Variants in CMPK1 observed in about 807,000 individuals in gnomAD.
The protein encoded by CMPK1 is UMP-CMP kinase.
In CMPK1, 10 loss-of-function variants were observed where a neutral mutation model predicts 25.7. The observed-to-expected ratio is 0.39, with a 90% CI of 0.24 to 0.66. The LOEUF (loss-of-function observed/expected upper bound fraction) is 0.66, where lower values mean the gene tolerates loss of function less well. Among genes scored for constraint, CMPK1 ranks in the 30% least tolerant of loss-of-function variants. The pLI, the probability that CMPK1 is intolerant of heterozygous loss-of-function variation, is 0.48. For synonymous variants in CMPK1, 106 were observed against 101.5 expected (o/e 1.04, Z -0.27); for missense variants, 199 against 280.5 (o/e 0.71, Z 2.08).
Position 47,375,296 on chromosome 1 carries a change from A to T in CMPK1, c.645+3A>T. 6.5e-7 allele frequency: 1 copy of T among 1,544,330 alleles called. No homozygotes were observed. Among genetic ancestry groups the T allele is most frequent in the Non-Finnish European group, 8.8e-7 (1 of 1,130,856 alleles). ...ATGCTTCTAAATCTGTTGATGAAGT[A>T]AGTGTTCCTAGCCTGTCTTTAAAAA... On this transcript the variant is annotated splice_donor_region_variant and intron_variant, in intron 5 of 5. Coordinates refer to ENST00000371873, the MANE Select transcript of CMPK1 (RefSeq NM_016308.3).
At position 47,342,118 on chromosome 1, in the gene CMPK1, G is replaced by C. The variant is rs191144135; in HGVS notation, c.171+8002G>C. Among the ~76,000 whole-genome samples the C allele has an allele frequency of 1.9e-3, 291 of 151,590 alleles. 1 individual carries two copies. The highest frequency in any genetic ancestry group is 6.8e-3 in the African/African-American group (282 of 41,276). The stretch of plus-strand genomic sequence containing the variant: ...TTTTTTTGAGATGGAGTCTTGCTCT[G>C]CCACCCAGGCTAGAGTGCAGTGGGG... On this transcript the variant is annotated intron_variant, in intron 1 of 5. Transcript: ENST00000371873.
chr1:47,344,847 A>T (rs114320378), intron 1 of CMPK1, among the ~76,000 whole-genome samples: 270 of 151,232 alleles, frequency 1.8e-3, no homozygotes, highest in African/African-American at 6.1e-3. Flanking sequence ...TGCCTCCCTA[A>T]CTAGAGTGTA....
intron 1 of CMPK1, among the ~76,000 whole-genome samples, chr1:47,354,517 G>A (rs948758173): frequency 1.7e-4 from 25 of 151,018 alleles, no homozygotes; most frequent in African/African-American, 5.9e-4. Context: ...TTTTGCGTGC[G>A]TGCCTTTCTG....
intron 1 of CMPK1, among the ~76,000 whole-genome samples, chr1:47,340,386 C>T (rs1364092567): frequency 2.6e-5 from 4 of 152,030 alleles, no homozygotes; most frequent in African/African-American, 9.7e-5. Context: ...ATCCTCCCAC[C>T]TCAGTCTCCA....
chr1:47,345,381 A>G (rs1187926269), intron 1 of CMPK1, among the ~76,000 whole-genome samples: 1 of 152,180 alleles, frequency 6.6e-6, no homozygotes, highest in African/African-American at 2.4e-5. Context: ...TAAGTAAGTA[A>G]TTAGGTCTAA....
chr1:47,343,802 GC>G (rs1646462632), intron 1 of CMPK1, among the ~76,000 whole-genome samples: 5 of 151,890 alleles, frequency 3.3e-5, no homozygotes, highest in Admixed American at 1.3e-4. Flanking sequence ...CAGGAGCATG[GC>G]GTGAACCCAG....
In CMPK1 at chr1:47,372,811, TTC is replaced by T. The variant is rs1270873384; in HGVS notation, c.319-142_319-141del. The T allele has an allele frequency of 1.8e-5, 7 of 386,800 alleles. No individual in the cohort carries two copies. In the South Asian group the frequency reaches 2.7e-4, roughly 15 times the overall value. 24.0% of individuals were successfully genotyped at this position (386,800 alleles called of 1,614,324 possible). On this transcript the variant is annotated intron_variant, in intron 2 of 5. Coordinates refer to ENST00000371873, the MANE Select transcript of CMPK1 (RefSeq NM_016308.3). ...TTTTTTCTTTCTTTCTTTTTTTCTT[TTC>T]TTTTTTTTTTTTGCTATGTACCCTC...
At chr1:47,355,553 T>A (rs1646554517) in intron 1 of CMPK1, among the ~76,000 whole-genome samples, 1 of 151,914 alleles carries the variant, frequency 6.6e-6, no homozygotes, top group Admixed American at 6.6e-5. Context: ...GACCTCGTAA[T>A]CCACCCGCTT....
At chr1:47,359,193 T>A (rs1646584017) in intron 1 of CMPK1, among the ~76,000 whole-genome samples, 1 of 151,528 alleles carries the variant, frequency 6.6e-6, no homozygotes, top group African/African-American at 2.4e-5. Context: ...GGCGGGCGCC[T>A]GTAGTCCCAG....
intron 1 of CMPK1, 91 bp downstream of exon 1, chr1:47,334,207 G>A: frequency 1.7e-6 from 2 of 1,164,720 alleles, no homozygotes; most frequent in East Asian, 3.5e-5. Context: ...CCGCGGAGTC[G>A]CCGAGCCGCA....
At chr1:47,347,288 C>T (rs1419634555) in intron 1 of CMPK1, among the ~76,000 whole-genome samples, 1 of 152,014 alleles carries the variant, frequency 6.6e-6, no homozygotes, top group Non-Finnish European at 1.5e-5. Flanking sequence ...TAGCTCATTG[C>T]AGCCTCCAAC....
chr1:47,375,219 A>T lies in CMPK1; in HGVS notation c.571A>T (p.Thr191Ser), dbSNP rs1328639635. The T allele has an allele frequency of 6.2e-7, 1 of 1,610,834 alleles. No homozygotes were observed. The highest frequency in any genetic ancestry group is 1.1e-5 in the South Asian group (1 of 90,168). Residue 191 changes from threonine (T) to serine (S), a missense_variant, in exon 5 of 6, where the codon ACA becomes TCA. Around this residue, in one of 2 missense-constraint regions of CMPK1, gnomAD observed 140 missense variants for 235.5 expected, o/e 0.59. Transcript: ENST00000371873. ...CAGAATTCAGACCTACCTTCAGTCA[A>T]CAAAGCCAATTATTGACTTATATGA... ...EKRIQTYLQSTKPIIDLYEEM... is the reference protein window; with the variant it reads ...EKRIQTYLQSSKPIIDLYEEM...
chr1:47,357,694 A>G (rs1387020009), intron 1 of CMPK1, among the ~76,000 whole-genome samples: 1 of 151,958 alleles, frequency 6.6e-6, no homozygotes, highest in African/African-American at 2.4e-5. Context: ...CATGTTGGTC[A>G]GGCTGATTTT....
At chr1:47,369,745 A>G (rs1405967265) in intron 2 of CMPK1, among the ~76,000 whole-genome samples, 1 of 150,334 alleles carries the variant, frequency 6.7e-6, no homozygotes, top group African/African-American at 2.5e-5. Context: ...TATTTTTAAT[A>G]GAGATAGGGT....
chr1:47,371,770 G>A (rs754698703), intron 2 of CMPK1, among the ~76,000 whole-genome samples: 8 of 152,148 alleles, frequency 5.3e-5, no homozygotes, highest in Non-Finnish European at 1.0e-4. Context: ...CAAAATGTTT[G>A]TTTTGAATTC....
At chr1:47,370,386 C>T (rs1402567009) in intron 2 of CMPK1, among the ~76,000 whole-genome samples, 1 of 151,840 alleles carries the variant, frequency 6.6e-6, no homozygotes, top group South Asian at 2.1e-4. Context: ...CGCCTGTAAT[C>T]CCAGCACTTT....
chr1:47,340,745 C>T (rs1439278662), intron 1 of CMPK1, among the ~76,000 whole-genome samples: 2 of 152,052 alleles, frequency 1.3e-5, no homozygotes, highest in Admixed American at 6.6e-5. Context: ...TCAAGCGATT[C>T]TCCTGCCTCA....
chr1:47,370,495 G>T (rs1412592020), intron 2 of CMPK1, among the ~76,000 whole-genome samples: 1 of 149,158 alleles, frequency 6.7e-6, no homozygotes, highest in Non-Finnish European at 1.5e-5. Flanking sequence ...TAAAAAATTA[G>T]CCAAGTGTGG....
At chr1:47,371,388 A>G (rs1646677304) in intron 2 of CMPK1, among the ~76,000 whole-genome samples, 1 of 151,994 alleles carries the variant, frequency 6.6e-6, no homozygotes, top group African/African-American at 2.4e-5. Context: ...CTACTTTTCA[A>G]CCCTTTGCAG....
Sources: allele counts gnomAD v4.1 joint callset (sites outside exome capture counted in the v4.1 genomes callset), GRCh38; gene constraint gnomAD v4.1.1; regional missense constraint gnomAD v4.1.1; transcripts MANE v1.5; gene names NCBI Gene and HGNC (gene_info 2026-07-23, HGNC 2026-07-21).